The following GAB2 variants were observed in gnomAD, a reference collection of about 807,000 sequenced individuals.
The protein encoded by GAB2 is GRB2 associated binding protein 2.
In GAB2, 26 loss-of-function variants were observed where a neutral mutation model predicts 65.5. That is an observed-to-expected ratio of 0.40 (90% CI 0.29 to 0.55). The LOEUF is 0.55. Among genes scored for constraint, GAB2 ranks in the 20% least tolerant of loss-of-function variants. The probability of loss-of-function intolerance (pLI) is 0.53; values close to 1 mark genes in which losing one functional copy is unlikely to be tolerated. For missense variants in GAB2, 884 were observed against 875.8 expected (o/e 1.01, Z -0.12); for synonymous variants, 321 against 329.6 (o/e 0.97, Z 0.28).
intron 3 of GAB2, among the ~76,000 whole-genome samples, chr11:78,234,578 ATATATATT>A (rs1178544698): frequency 1.0e-4 from 15 of 147,980 alleles, no homozygotes; most frequent in African/African-American, 3.2e-4. Flanking sequence ...TTTAATAATT[ATATATATT>A]TATATATTTA....
At chr11:78,304,406 A>G (rs1423487145) in intron 1 of GAB2, among the ~76,000 whole-genome samples, 1 of 152,048 alleles carries the variant, frequency 6.6e-6, no homozygotes, top group Non-Finnish European at 1.5e-5. Flanking sequence ...TCTCCTATTA[A>G]CCTTTTAATG....
intron 1 of GAB2, among the ~76,000 whole-genome samples, chr11:78,374,739 T>C (rs1222263860): frequency 6.6e-6 from 1 of 152,140 alleles, no homozygotes; most frequent in African/African-American, 2.4e-5. Flanking sequence ...GCACACAGTT[T>C]TACAGAAATG....
chr11:78,325,361 C>G (rs1367774202), intron 1 of GAB2, among the ~76,000 whole-genome samples: 1 of 152,016 alleles, frequency 6.6e-6, no homozygotes, highest in Non-Finnish European at 1.5e-5. Context: ...AAACAGAGGC[C>G]CAGAGAGGCA....
intron 9 of GAB2, among the ~76,000 whole-genome samples, 187 bp downstream of exon 9, chr11:78,220,132 A>G (rs1325999488): frequency 1.3e-5 from 2 of 152,144 alleles, no homozygotes; most frequent in African/African-American, 2.4e-5. Flanking sequence ...GTGCTCTGAG[A>G]GCAGGAATAG....
At chr11:78,252,723 T>C (rs1865490082) in intron 2 of GAB2, among the ~76,000 whole-genome samples, 1 of 152,048 alleles carries the variant, frequency 6.6e-6, no homozygotes, top group African/African-American at 2.4e-5. Context: ...CTAGCTCAGT[T>C]CTCTCTCCGG....
chr11:78,331,435 CG>C (rs1168904768), intron 1 of GAB2, among the ~76,000 whole-genome samples: 2 of 151,826 alleles, frequency 1.3e-5, no homozygotes, highest in East Asian at 3.9e-4. Context: ...TTAGTAGAGA[CG>C]GGGTTTTACC....
At chr11:78,313,607 G>A (rs1338641307) in intron 1 of GAB2, among the ~76,000 whole-genome samples, 1 of 152,148 alleles carries the variant, frequency 6.6e-6, no homozygotes, top group African/African-American at 2.4e-5. Context: ...TTTGTTCAGG[G>A]TACACCATGG....
chr11:78,330,585 C>T (rs1855898117), intron 1 of GAB2, among the ~76,000 whole-genome samples: 2 of 152,068 alleles, frequency 1.3e-5, no homozygotes, highest in Admixed American at 1.3e-4. Context: ...GAATGAGAAT[C>T]CAGGTGAAGG....
chr11:78,262,520 CA>C (rs1375925822), intron 2 of GAB2, among the ~76,000 whole-genome samples: 1 of 152,138 alleles, frequency 6.6e-6, no homozygotes, highest in Non-Finnish European at 1.5e-5. Flanking sequence ...GCAGAGGGTA[CA>C]AAAATGGGGT....
chr11:78,244,253 A>G (rs1040096308), intron 3 of GAB2, among the ~76,000 whole-genome samples: 2 of 152,112 alleles, frequency 1.3e-5, no homozygotes, highest in Non-Finnish European at 2.9e-5. Flanking sequence ...TTGGCCAGGC[A>G]TGGTGGTACA....
At chr11:78,323,023 G>GT (rs34351881) in intron 1 of GAB2, among the ~76,000 whole-genome samples, 24,951 of 152,098 alleles carry the variant, frequency 0.16, 2,598 homozygotes, top group East Asian at 0.41. Flanking sequence ...GCACTCATAT[G>GT]TTTATTGCAG....
intron 1 of GAB2, among the ~76,000 whole-genome samples, chr11:78,308,874 T>C (rs1293137443): frequency 2.6e-5 from 4 of 152,186 alleles, no homozygotes; most frequent in African/African-American, 9.7e-5. Flanking sequence ...TAGTACAGTA[T>C]ATATTATATA....
intron 3 of GAB2, among the ~76,000 whole-genome samples, chr11:78,231,339 GTGTGT>G (rs1565117471): frequency 2.2e-4 from 33 of 149,412 alleles, no homozygotes; most frequent in African/African-American, 6.6e-4. Flanking sequence ...CGTGTGTGGT[GTGTGT>G]GTGTGTGTGT....
At chr11:78,266,574 A>G (rs1437228831) in intron 2 of GAB2, among the ~76,000 whole-genome samples, 1 of 152,232 alleles carries the variant, frequency 6.6e-6, no homozygotes, top group Non-Finnish European at 1.5e-5. Flanking sequence ...AAAAAATTAA[A>G]TATTTTCACA....
At chr11:78,355,168 T>C (rs1387782613) in intron 1 of GAB2, among the ~76,000 whole-genome samples, 1 of 152,250 alleles carries the variant, frequency 6.6e-6, no homozygotes, top group African/African-American at 2.4e-5. Flanking sequence ...GGTCCAGTTC[T>C]GGCTTTGCTA....
intron 5 of GAB2, among the ~76,000 whole-genome samples, chr11:78,223,996 C>T (rs558097045): frequency 6.6e-5 from 10 of 152,214 alleles, no homozygotes; most frequent in Admixed American, 2.6e-4. Flanking sequence ...GCACGAGAAT[C>T]GCTTGAAGCT....
Position 78,225,170 on chromosome 11 carries a change from G to A in GAB2, c.1240C>T (p.Arg414Cys), listed in dbSNP as rs373502813. 6.2e-6 allele frequency: 10 copies of A among 1,612,654 alleles called. No individual in the cohort carries two copies. Among genetic ancestry groups the A allele is most frequent in the South Asian group, 2.2e-5 (2 of 91,056 alleles). ...GACCGGCCTGCACTCTCTCCACCACGCTGTGGGTACTCGTAGGTCTCACAG... is the reference window on the plus strand; with the variant it reads ...GACCGGCCTGCACTCTCTCCACCACACTGTGGGTACTCGTAGGTCTCACAG... The part of the protein sequence containing the change: ...SSCETYEYPQ[R>C]GGESAGRSAE... Residue 414 changes from arginine (R) to cysteine (C), a missense_variant, in exon 5 of 10, where the codon CGT becomes TGT. Coordinates refer to ENST00000361507, the MANE Select transcript of GAB2 (RefSeq NM_080491.3).
chr11:78,414,935 G>T (rs1857175231), intron 1 of GAB2, among the ~76,000 whole-genome samples: 1 of 151,830 alleles, frequency 6.6e-6, no homozygotes, highest in South Asian at 2.1e-4. Flanking sequence ...GCAGTGGTAC[G>T]ATCTCGGCTC....
intron 1 of GAB2, among the ~76,000 whole-genome samples, chr11:78,416,100 T>C (rs995106175): frequency 6.6e-6 from 1 of 152,196 alleles, no homozygotes; most frequent in African/African-American, 2.4e-5. Flanking sequence ...ATTAAAATAT[T>C]CAACCTTCCT....
Sources: allele counts gnomAD v4.1 joint callset (sites outside exome capture counted in the v4.1 genomes callset), GRCh38; gene constraint gnomAD v4.1.1; transcripts MANE v1.5; gene names NCBI Gene and HGNC (gene_info 2026-07-23, HGNC 2026-07-21).